Variants in PARP14 observed in about 807,000 individuals in gnomAD.
PARP14 encodes the protein poly(ADP-ribose) polymerase family member 14, also known as protein mono-ADP-ribosyltransferase PARP14.
A neutral mutation model predicts 154.2 loss-of-function variants in PARP14; 59 were observed. The ratio of observed to expected loss-of-function variants is 0.38; its 90% CI spans 0.31 to 0.48. The LOEUF (loss-of-function observed/expected upper bound fraction) is 0.48, where lower values mean the gene tolerates loss of function less well. Ranked by LOEUF, PARP14 falls within the 20% of genes least tolerant of loss-of-function variation. PARP14 has a pLI of 0.98. For missense variants in PARP14, 1,734 were observed against 2,131.6 expected, an observed-to-expected ratio of 0.81 and a Z score of 3.67; for synonymous variants, 720 against 780.5, an observed-to-expected ratio of 0.92 and a Z score of 1.29.
chr3:122,696,710 G>C (rs776702761), intron 5 of PARP14, among the ~76,000 whole-genome samples: 14 of 152,088 alleles, frequency 9.2e-5, no homozygotes, highest in Non-Finnish European at 1.8e-4. Flanking sequence ...CCTCAGAAGG[G>C]CTATTCTGCA....
In PARP14 at chr3:122,701,791, A is replaced by G. The variant is rs1405961043; in HGVS notation, c.3081+156A>G. Among the ~76,000 whole-genome samples the G allele has an allele frequency of 2.6e-5, 4 of 152,304 alleles. No homozygotes were observed. In the East Asian group the frequency reaches 7.7e-4, roughly 29 times the overall value. On this transcript the variant is annotated intron_variant, in intron 6 of 16. Transcript: ENST00000474629. This position sits in a 1 kb window ranked among gnomAD's most constrained non-coding sequence, Gnocchi z 4.0. ...CCTGCCTTGAAACAATTTTCCTTAG[A>G]TAATTGGGCTTCTTACCAAATCATT...
Position 122,701,644 on chromosome 3 carries a change from C to A in PARP14, c.3081+9C>A. On this transcript the variant is annotated intron_variant, in intron 6 of 16. Transcript: ENST00000474629. This position sits in a 1 kb window ranked among gnomAD's most constrained non-coding sequence, Gnocchi z 4.0. ...GTGTGCAGAATGCTAAGGTGAGTGT[C>A]GCTTTTACAGAACACCACCAGGGCA... 2 of 1,555,418 alleles carry A rather than the reference C, an allele frequency of 1.3e-6. No homozygotes were observed. The highest frequency in any genetic ancestry group is 2.4e-5 in the South Asian group (2 of 84,368).
At chr3:122,711,372 T>G (rs1177039766) in intron 9 of PARP14, among the ~76,000 whole-genome samples, 3 of 152,234 alleles carry the variant, frequency 2.0e-5, no homozygotes, top group African/African-American at 7.2e-5. Flanking sequence ...TAATTCAGTT[T>G]ATGTGATGTA....
intron 2 of PARP14, 36 bp downstream of exon 2, chr3:122,685,354 G>C (rs1938338859): frequency 4.4e-6 from 7 of 1,594,244 alleles, no homozygotes; most frequent in African/African-American, 1.3e-5. Flanking sequence ...AAGGGATTTA[G>C]GTCTCCCAAG....
intron 8 of PARP14, among the ~76,000 whole-genome samples, chr3:122,705,711 A>G (rs529745622): frequency 6.6e-6 from 1 of 152,330 alleles, no homozygotes; most frequent in South Asian, 2.1e-4. Flanking sequence ...CCCAAGAGAT[A>G]CCTGTGGATC....
At chr3:122,702,993 T>TAAAAAAAAAAAAAAAAAAAA (rs10707029) in intron 6 of PARP14, among the ~76,000 whole-genome samples, 7 of 83,920 alleles carry the variant, frequency 8.3e-5, no homozygotes, top group South Asian at 3.7e-4. Flanking sequence ...CCCTCTCTCT[T>TAAAAAAAAAAAAAAAAAAAA]AAAAAAAAAA....
At position 122,699,578 on chromosome 3, in the gene PARP14, G is replaced by A; in HGVS notation, c.1024G>A (p.Glu342Lys). 1 of 1,613,922 alleles carries A rather than the reference G, an allele frequency of 6.2e-7. No homozygotes were observed. Among genetic ancestry groups the A allele is most frequent in the Non-Finnish European group, 8.5e-7 (1 of 1,179,830 alleles). The change falls in exon 6 of 17, where the codon GAG (glutamate) becomes AAG (lysine). Residue 342 changes from glutamate (E) to lysine (K), a missense_variant. Physicochemically the swap from Glu to Lys is moderately conservative, Grantham distance 56 (BLOSUM62 1). Around this residue, in one of 2 missense-constraint regions of PARP14, gnomAD observed 1,646 missense variants for 1,976.0 expected, o/e 0.83. Coordinates refer to ENST00000474629, the MANE Select transcript of PARP14 (RefSeq NM_017554.3). ...KFLQKKNHLIEEINDEMRRCH... is the reference protein window; with the variant it reads ...KFLQKKNHLIKEINDEMRRCH... Reference sequence around the variant, plus strand: ...CTTACAGAAAAAGAATCACCTCATTGAGGAGATAAACGATGAAATGAGGCG... The same window carrying A: ...CTTACAGAAAAAGAATCACCTCATTAAGGAGATAAACGATGAAATGAGGCG...
rs750753930 is a variant in PARP14, at chr3:122,699,463, A to G, written c.909A>G (p.Ser303=). 1 of 1,613,850 alleles carries G rather than the reference A, an allele frequency of 6.2e-7. No homozygotes were observed. Among genetic ancestry groups the G allele is most frequent in the Non-Finnish European group, 8.5e-7 (1 of 1,179,710 alleles). Residue 303 remains serine, a synonymous_variant, in exon 6 of 17, where the codon TCA becomes TCG. Transcript: ENST00000474629. ...MPLSVFPYYA[S]LGTALYGKEK... ...TTTCTGTGTTCCCATACTATGCCTC[A>G]TTGGGCACAGCCTTGTATGGAAAGG...
chr3:122,715,098 A>G (rs1173056465), intron 12 of PARP14, among the ~76,000 whole-genome samples: 1 of 151,830 alleles, frequency 6.6e-6, no homozygotes, highest in Admixed American at 6.6e-5. Flanking sequence ...ATCATTAATT[A>G]GGTGGTTTTT....
intron 15 of PARP14, among the ~76,000 whole-genome samples, chr3:122,725,269 G>A (rs563257992): frequency 6.6e-6 from 1 of 151,712 alleles, no homozygotes; most frequent in African/African-American, 2.4e-5. Context: ...GGGCGGCCGG[G>A]CAGAGGCACT....
chr3:122,684,738 G>A (rs1938316978), intron 1 of PARP14, among the ~76,000 whole-genome samples: 1 of 152,048 alleles, frequency 6.6e-6, no homozygotes, highest in African/African-American at 2.4e-5. Flanking sequence ...TTTCATCATG[G>A]CATGTCCCAG....
intron 15 of PARP14, among the ~76,000 whole-genome samples, chr3:122,727,426 T>G (rs916168764): frequency 6.6e-6 from 1 of 152,206 alleles, no homozygotes; most frequent in Non-Finnish European, 1.5e-5. Flanking sequence ...GGTCAACCAG[T>G]ATCCCAGAAG....
intron 1 of PARP14, among the ~76,000 whole-genome samples, chr3:122,684,571 C>G (rs1257278395): frequency 6.6e-6 from 1 of 152,172 alleles, no homozygotes; most frequent in Non-Finnish European, 1.5e-5. Context: ...TGTTTCACTA[C>G]AGCCAAGCTG....
chr3:122,695,291 T>C (rs1447992489), intron 4 of PARP14, 135 bp from the exon 5 acceptor site: 1 of 595,622 alleles, frequency 1.7e-6, no homozygotes, highest in Non-Finnish European at 3.0e-6. Flanking sequence ...ATGTAGGTAT[T>C]AAAATCTTGT....
chr3:122,724,570 G>A (rs1356114964), intron 15 of PARP14, among the ~76,000 whole-genome samples: 4 of 148,754 alleles, frequency 2.7e-5, no homozygotes, highest in Admixed American at 1.4e-4. Flanking sequence ...CTCTCAGAGT[G>A]CTGGGATTAC....
intron 12 of PARP14, 83 bp downstream of exon 12, chr3:122,714,512 T>TCAGCACTGACC: frequency 9.2e-7 from 1 of 1,084,192 alleles, no homozygotes; most frequent in Non-Finnish European, 1.3e-6. Context: ...ATGCGGTCAG[T>TCAGCACTGACC]GCTGAGTCTG....
rs545368183 is a variant in PARP14, at chr3:122,690,392, A to AT, written c.356-1899dup. Among the ~76,000 whole-genome samples, 133 of 149,768 alleles carry AT rather than the reference A, an allele frequency of 8.9e-4. 2 individuals carry two copies. The highest frequency in any genetic ancestry group is 7.1e-3 in the Admixed American group (107 of 15,036). On this transcript the variant is annotated intron_variant, in intron 3 of 16. Coordinates refer to ENST00000474629, the MANE Select transcript of PARP14 (RefSeq NM_017554.3). The stretch of plus-strand genomic sequence containing the variant: ...TATGTAGTTGCTTTATGCTTAAGCT[A>AT]TTTTTTTTTTAATTTAGCATGAGTG...
Position 122,728,957 on chromosome 3 carries a change from CAT to C in PARP14, c.*361_*362del, listed in dbSNP as rs1363715081. ...AGCTGCCACTGCAGGAGACAGGCCCCATGTCAGGATGCCATAGTGCTGTGGGG... is the reference window on the plus strand; with the variant it reads ...AGCTGCCACTGCAGGAGACAGGCCCCGTCAGGATGCCATAGTGCTGTGGGG... On this transcript the variant is annotated 3_prime_UTR_variant, in exon 17 of 17. Transcript: ENST00000474629. 1 of 235,492 alleles carries C rather than the reference CAT, an allele frequency of 4.2e-6. No homozygotes were observed. The highest frequency in any genetic ancestry group is 2.3e-5 in the African/African-American group (1 of 44,122). 14.6% of individuals were successfully genotyped at this position (235,492 alleles called of 1,614,324 possible). A position where few individuals can be genotyped will look rare whatever the true frequency, so the allele number is the denominator to read the frequency against.
At position 122,685,343 on chromosome 3, in the gene PARP14, A is replaced by G. The variant is rs767143267; in HGVS notation, c.321+25A>G. On this transcript the variant is annotated intron_variant, in intron 2 of 16. Coordinates refer to ENST00000474629, the MANE Select transcript of PARP14 (RefSeq NM_017554.3). ...AGCAAGTAAACTTTAGGCATGAATA[A>G]AAGGGATTTAGGTCTCCCAAGGTGT... 42 of 1,609,284 alleles carry G rather than the reference A, an allele frequency of 2.6e-5. No homozygotes were observed. In the East Asian group the frequency reaches 9.4e-4, roughly 36 times the overall value.
Sources: allele counts gnomAD v4.1 joint callset (sites outside exome capture counted in the v4.1 genomes callset), GRCh38; gene constraint gnomAD v4.1.1; regional missense constraint gnomAD v4.1.1; non-coding constraint Gnocchi (gnomAD v3.1); transcripts MANE v1.5; gene names NCBI Gene and HGNC (gene_info 2026-07-23, HGNC 2026-07-21).